The following LHFPL6 variants were observed in gnomAD, a reference collection of about 807,000 sequenced individuals.
The protein encoded by LHFPL6 is LHFPL tetraspan subfamily member 6.
LHFPL6 carries 9 observed loss-of-function variants against 20.6 expected under a neutral mutation model. The observed-to-expected ratio is 0.44, with a 90% confidence interval of 0.26 to 0.76. The LOEUF is 0.76. LHFPL6 is among the 30% of genes least tolerant of loss of function. The probability of loss-of-function intolerance (pLI) is 0.20; values close to 1 mark genes in which losing one functional copy is unlikely to be tolerated. For synonymous variants in LHFPL6, 105 were observed against 98.7 expected, an observed-to-expected ratio of 1.06 and a Z score of -0.38; for missense variants, 218 against 253.5, an observed-to-expected ratio of 0.86 and a Z score of 0.95.
chr13:39,457,241 G>A (rs1872592994), intron 2 of LHFPL6, among the ~76,000 whole-genome samples: 1 of 152,120 alleles, frequency 6.6e-6, no homozygotes, highest in Non-Finnish European at 1.5e-5. Context: ...CAATACATAT[G>A]TCCAACAAAT....
At chr13:39,484,794 G>C (rs746289569) in intron 2 of LHFPL6, among the ~76,000 whole-genome samples, 2 of 152,190 alleles carry the variant, frequency 1.3e-5, no homozygotes, top group African/African-American at 2.4e-5. Context: ...GATGAATGAG[G>C]AGGAGGTGAG....
At chr13:39,575,767 C>T (rs1350230016) in intron 2 of LHFPL6, among the ~76,000 whole-genome samples, 4 of 152,100 alleles carry the variant, frequency 2.6e-5, no homozygotes, top group South Asian at 4.2e-4. Context: ...CGCTTCTGCC[C>T]GGGTGTGCAC....
At chr13:39,418,172 T>C (rs1226199828) in intron 2 of LHFPL6, among the ~76,000 whole-genome samples, 1 of 152,156 alleles carries the variant, frequency 6.6e-6, no homozygotes, top group Non-Finnish European at 1.5e-5. Flanking sequence ...CAATCTTACT[T>C]ACATATTTTA....
chr13:39,371,325 G>C (rs1354142701), intron 3 of LHFPL6, among the ~76,000 whole-genome samples: 1 of 152,210 alleles, frequency 6.6e-6, no homozygotes, highest in Non-Finnish European at 1.5e-5. Context: ...GTCTTTGGTG[G>C]ATGAGAATAT....
At chr13:39,456,856 G>T (rs567024588) in intron 2 of LHFPL6, among the ~76,000 whole-genome samples, 268 of 152,078 alleles carry the variant, frequency 1.8e-3, no homozygotes, top group Non-Finnish European at 3.0e-3. Context: ...GAGTGCAATG[G>T]CGTGATCTCG....
intron 3 of LHFPL6, among the ~76,000 whole-genome samples, chr13:39,364,193 AGATGG>A (rs1428065580): frequency 6.6e-6 from 1 of 152,212 alleles, no homozygotes; most frequent in East Asian, 1.9e-4. Context: ...AAGAGAGTAG[AGATGG>A]GCCAATCAGA....
chr13:39,348,235 G>A (rs1041389114), intron 3 of LHFPL6, among the ~76,000 whole-genome samples: 3 of 152,100 alleles, frequency 2.0e-5, no homozygotes, highest in South Asian at 4.2e-4. Context: ...TCCCTTTGCT[G>A]GTTCTGGACT....
At position 39,455,274 on chromosome 13, in the gene LHFPL6, C is replaced by T. The variant is rs555762647; in HGVS notation, c.386-76748G>A. Among the ~76,000 whole-genome samples the T allele has an allele frequency of 8.1e-4, 123 of 152,244 alleles. 2 individuals are homozygous for T. In the South Asian group the frequency reaches 0.021, roughly 26 times the overall value. On this transcript the variant is annotated intron_variant, in intron 2 of 3. Transcript: ENST00000379589. ...ATACTCCCCCTAAAGCAGCTACAGCCGGGCCGGCGGCAACCCCTCATCCTG... is the reference window on the plus strand; with the variant it reads ...ATACTCCCCCTAAAGCAGCTACAGCTGGGCCGGCGGCAACCCCTCATCCTG...
chr13:39,501,172 T>C (rs1336351612), intron 2 of LHFPL6, among the ~76,000 whole-genome samples: 1 of 152,200 alleles, frequency 6.6e-6, no homozygotes, highest in African/African-American at 2.4e-5. Context: ...GGTGTTGTTA[T>C]ATTTGCTGTT....
intron 2 of LHFPL6, among the ~76,000 whole-genome samples, chr13:39,595,008 C>T (rs925516016): frequency 1.3e-5 from 2 of 151,966 alleles, no homozygotes; most frequent in Non-Finnish European, 1.5e-5. Context: ...AGGAGATATA[C>T]CTAATGTTAA....
intron 2 of LHFPL6, among the ~76,000 whole-genome samples, chr13:39,434,666 G>C (rs1871906249): frequency 6.6e-6 from 1 of 152,120 alleles, no homozygotes; most frequent in East Asian, 1.9e-4. Flanking sequence ...ATGAGTCATG[G>C]TTGCAGCACC....
At chr13:39,440,774 C>T (rs1402774745) in intron 2 of LHFPL6, among the ~76,000 whole-genome samples, 1 of 152,022 alleles carries the variant, frequency 6.6e-6, no homozygotes, top group Non-Finnish European at 1.5e-5. Flanking sequence ...ATTGTAACTC[C>T]CACAATTCCC....
chr13:39,344,073 G>A lies in LHFPL6; in HGVS notation c.485-19C>T. 1.3e-6 allele frequency: 2 copies of A among 1,588,100 alleles called. No individual in the cohort carries two copies. The highest frequency in any genetic ancestry group is 1.7e-6 in the Non-Finnish European group (2 of 1,159,114). ...CACTTCCCTAAGGACAAAGGAAGGGGAAAGAAGAAAGTCACAGATGAGGAT... is the reference window on the plus strand; with the variant it reads ...CACTTCCCTAAGGACAAAGGAAGGGAAAAGAAGAAAGTCACAGATGAGGAT... On this transcript the variant is annotated intron_variant, in intron 3 of 3. Transcript: ENST00000379589.
chr13:39,344,861 T>C (rs1869347379), intron 3 of LHFPL6, among the ~76,000 whole-genome samples: 1 of 152,248 alleles, frequency 6.6e-6, no homozygotes, highest in East Asian at 1.9e-4. Context: ...CATATGCTTA[T>C]AATTTGGAAT....
intron 2 of LHFPL6, among the ~76,000 whole-genome samples, chr13:39,459,078 AATG>A (rs1872633089): frequency 6.6e-6 from 1 of 152,124 alleles, no homozygotes; most frequent in Non-Finnish European, 1.5e-5. Flanking sequence ...AGGCTTTCAA[AATG>A]CCCATGAAAT....
chr13:39,567,502 C>G (rs1225522820), intron 2 of LHFPL6, among the ~76,000 whole-genome samples: 2 of 152,146 alleles, frequency 1.3e-5, no homozygotes, highest in East Asian at 3.9e-4. Context: ...AGACTTTTTC[C>G]ATAGAGGTCC....
intron 2 of LHFPL6, among the ~76,000 whole-genome samples, chr13:39,525,687 A>G (rs1441794985): frequency 6.6e-6 from 1 of 152,140 alleles, no homozygotes; most frequent in Non-Finnish European, 1.5e-5. Flanking sequence ...GGCCAAGCCA[A>G]AGAAATGTGG....
chr13:39,428,198 T>C (rs1397525208), intron 2 of LHFPL6, among the ~76,000 whole-genome samples: 1 of 152,238 alleles, frequency 6.6e-6, no homozygotes, highest in Non-Finnish European at 1.5e-5. Flanking sequence ...TGAATGTCTT[T>C]GTCTGGCCTT....
chr13:39,453,219 T>C (rs1177599324), intron 2 of LHFPL6, among the ~76,000 whole-genome samples: 2 of 152,210 alleles, frequency 1.3e-5, no homozygotes, highest in Non-Finnish European at 1.5e-5. Flanking sequence ...ATTTAAGTGA[T>C]GGCATGGCAG....
Sources: allele counts gnomAD v4.1 joint callset (sites outside exome capture counted in the v4.1 genomes callset), GRCh38; gene constraint gnomAD v4.1.1; transcripts MANE v1.5; gene names NCBI Gene and HGNC (gene_info 2026-07-23, HGNC 2026-07-21).